Variants in MADD observed in about 807,000 individuals in gnomAD.
MADD encodes MAP kinase activating death domain.
MADD carries 109 observed loss-of-function variants against 176.7 expected under a neutral mutation model. That is an observed-to-expected ratio of 0.62 (90% confidence interval 0.53 to 0.72). The LOEUF is 0.72. Among genes scored for constraint, MADD ranks in the 30% least tolerant of loss-of-function variants. The pLI is 0.00. For missense variants in MADD, 1,914 were observed against 2,045.5 expected, an observed-to-expected ratio of 0.94 and a Z score of 1.24; for synonymous variants, 771 against 771.3, an observed-to-expected ratio of 1.00 and a Z score of 0.01.
rs990131267 is a variant in MADD at position 47,324,937 on chromosome 11, G to A, written c.4542+360G>A. 5.5e-5 allele frequency: 33 copies of A among 597,082 alleles called. No homozygotes were observed. In the South Asian group the frequency reaches 6.6e-4, roughly 12 times the overall value. The allele number at this position is 597,082 out of a possible 1,614,324, so 37.0% of individuals were successfully genotyped here. A position where few individuals can be genotyped will look rare whatever the true frequency, so the allele number is the denominator to read the frequency against. ...TCCCAGGATATGCTTCTGCTTGGTG[G>A]TTTTGCTTTGAGAGTCTAGACTGGC... On this transcript the variant is annotated intron_variant, in intron 30 of 32. Coordinates refer to ENST00000402192, the Ensembl canonical transcript of MADD.
At chr11:47,287,039 G>A (rs2137924215) in intron 15 of MADD, among the ~76,000 whole-genome samples, 1 of 152,280 alleles carries the variant, frequency 6.6e-6, no homozygotes, top group South Asian at 2.1e-4. Flanking sequence ...AAAACCTTAT[G>A]TGAAAGCCAG....
chr11:47,278,979 T>C lies in MADD; in HGVS notation c.1210-20T>C, dbSNP rs781382919. ...GCAATAAACTCTAAGGTCACGTCTT[T>C]TATCATTTCTCTGGTGCAGGTGATT... On this transcript the variant is annotated intron_variant, in intron 6 of 32. Transcript: ENST00000402192. The C allele has an allele frequency of 2.5e-6, 4 of 1,612,020 alleles. No homozygotes were observed. The Admixed American group carries it at 6.7e-5, about 27-fold the overall frequency.
At chr11:47,270,472 C>G (rs1959807186) in intron 1 of MADD, among the ~76,000 whole-genome samples, 1 of 107,202 alleles carries the variant, frequency 9.3e-6, no homozygotes, top group Non-Finnish European at 1.8e-5. Flanking sequence ...TGGTTCCTGC[C>G]GAGCGGGCGG....
exon 28 of MADD, chr11:47,323,762 C>G: frequency 6.2e-7 from 1 of 1,614,106 alleles, no homozygotes; most frequent in Non-Finnish European, 8.5e-7. Context: ...ACCTACTGTC[C>G]CAAGACGAAG....
intron 22 of MADD, among the ~76,000 whole-genome samples, chr11:47,303,268 GTCT>G: frequency 7.7e-6 from 1 of 129,296 alleles, no homozygotes; most frequent in Non-Finnish European, 1.6e-5. Flanking sequence ...TTGAGACGGA[GTCT>G]CACTCTGTCA....
chr11:47,315,401 A>G (rs779390846), intron 27 of MADD, 74 bp downstream of exon 30: 2 of 772,770 alleles, frequency 2.6e-6, no homozygotes, highest in South Asian at 1.6e-5. Flanking sequence ...CGATGCCAGG[A>G]TATTTTTCTC....
In MADD at chr11:47,286,180, A is replaced by G. The variant is rs150411266; in HGVS notation, c.2552-253A>G. On this transcript the variant is annotated intron_variant, in intron 14 of 32. Coordinates refer to ENST00000402192, the Ensembl canonical transcript of MADD. Reference sequence around the variant, plus strand: ...CAGCTTTCATGCTGTGTAGCAGTGGATGAGAGACTTGGATATTATCATGTG... The same window carrying G: ...CAGCTTTCATGCTGTGTAGCAGTGGGTGAGAGACTTGGATATTATCATGTG... Among the ~76,000 whole-genome samples, 179 of 152,272 alleles carry G rather than the reference A, an allele frequency of 1.2e-3. No homozygotes were observed. In the Middle Eastern group the frequency reaches 0.024, roughly 20 times the overall value.
At position 47,324,454 on chromosome 11, in the gene MADD, C is replaced by T; in HGVS notation, c.4436-17C>T. ...CCCACCTCACCAGTGAGCTGATAGC[C>T]CCCTCCCTCACCACAGGACCTGAAT... On this transcript the variant is annotated splice_polypyrimidine_tract_variant and intron_variant, in intron 29 of 32. Transcript: ENST00000402192. The T allele has an allele frequency of 6.2e-7, 1 of 1,606,954 alleles. No individual in the cohort carries two copies. Among genetic ancestry groups the T allele is most frequent in the Non-Finnish European group, 8.5e-7 (1 of 1,173,634 alleles).
intron 19 of MADD, among the ~76,000 whole-genome samples, chr11:47,291,728 C>T (rs1014666232): frequency 1.3e-5 from 2 of 152,118 alleles, no homozygotes; most frequent in African/African-American, 2.4e-5. Context: ...AGTTTTAGTC[C>T]CATATCAGCC....
chr11:47,290,115 T>C, intron 17 of MADD, 34 bp from the exon 19 acceptor site: 2 of 1,612,494 alleles, frequency 1.2e-6, no homozygotes, highest in Non-Finnish European at 1.7e-6. Context: ...CCACAGGCAA[T>C]TTGCCAACGC....
At chr11:47,299,689 C>G (rs1421858870) in intron 22 of MADD, among the ~76,000 whole-genome samples, 1 of 149,110 alleles carries the variant, frequency 6.7e-6, no homozygotes, top group Non-Finnish European at 1.5e-5. Flanking sequence ...ACCACCGTGC[C>G]CAGCTGATTT....
chr11:47,270,331 C>G (rs951998910), intron 1 of MADD, 85 bp downstream of exon 1: 2 of 146,288 alleles, frequency 1.4e-5, no homozygotes, highest in African/African-American at 5.0e-5. Context: ...CACCGTGGCT[C>G]TTGGAGGAAG....
At chr11:47,294,378 A>G (rs1330693226) in intron 20 of MADD, among the ~76,000 whole-genome samples, 1 of 150,608 alleles carries the variant, frequency 6.6e-6, no homozygotes, top group African/African-American at 2.4e-5. Flanking sequence ...AATAAAAATA[A>G]AATAGCCAGG....
intron 22 of MADD, among the ~76,000 whole-genome samples, chr11:47,308,367 C>A (rs1206648033): frequency 1.3e-5 from 2 of 152,198 alleles, no homozygotes; most frequent in African/African-American, 4.8e-5. Flanking sequence ...AATAACCTTA[C>A]AGAGACTAAG....
chr11:47,289,474 G>A, exon 16 of MADD: 4 of 1,614,108 alleles, frequency 2.5e-6, no homozygotes, highest in Non-Finnish European at 3.4e-6. Flanking sequence ...ATCACCCCAG[G>A]GTCGATCCAG....
intron 8 of MADD, 99 bp downstream of exon 8, chr11:47,281,852 T>TTTTTTTTTTTC: frequency 4.3e-6 from 3 of 703,506 alleles, no homozygotes; most frequent in Non-Finnish European, 6.1e-6. Flanking sequence ...CAGGGTTCCT[T>TTTTTTTTTTTC]TTTTTTTTGA....
At chr11:47,296,575 A>T (rs1481012333) in intron 22 of MADD, among the ~76,000 whole-genome samples, 1 of 152,216 alleles carries the variant, frequency 6.6e-6, no homozygotes, top group Non-Finnish European at 1.5e-5. Flanking sequence ...AGAAACAGGG[A>T]TGAAAAAGGC....
In MADD at chr11:47,309,641, C is replaced by T. The variant is rs193053557; in HGVS notation, c.3978+29C>T. ...ATGTCAATTTTGCTGTGTCCAGCTC[C>T]GCTGATCCTAGAGGGGCAAGGCTTG... On this transcript the variant is annotated intron_variant, in intron 25 of 32. Transcript: ENST00000402192. 6.2e-5 allele frequency: 96 copies of T among 1,551,776 alleles called. No individual in the cohort carries two copies. The African/African-American group carries it at 8.0e-4, about 13-fold the overall frequency.
At chr11:47,278,958 T>A in intron 6 of MADD, 41 bp from the exon 7 acceptor site, 1 of 1,568,946 alleles carries the variant, frequency 6.4e-7, no homozygotes, top group Non-Finnish European at 8.8e-7. Context: ...TCCTGAGCAA[T>A]AAACTCTAAG....
Sources: gnomAD v4.1 joint callset for allele counts (sites outside exome capture counted in the v4.1 genomes callset) on GRCh38, gnomAD v4.1.1 for gene constraint, MANE v1.5 for transcripts, NCBI Gene and HGNC (gene_info 2026-07-23, HGNC 2026-07-21) for gene names.